The following ARAP3 variants were observed in gnomAD, a reference collection of about 807,000 sequenced individuals.
The protein encoded by ARAP3 is ArfGAP with RhoGAP domain, ankyrin repeat and PH domain 3, also known as arf-GAP with Rho-GAP domain, ANK repeat and PH domain-containing protein 3.
In ARAP3, 82 loss-of-function variants were observed where a neutral mutation model predicts 169.2. The ratio of observed to expected loss-of-function variants is 0.48; its 90% confidence interval spans 0.41 to 0.58. ARAP3 has a LOEUF of 0.58. ARAP3 is among the 20% of genes least tolerant of loss of function. The pLI is 0.00. For synonymous variants in ARAP3, 791 were observed against 800.3 expected, an observed-to-expected ratio of 0.99 and a Z score of 0.20; for missense variants, 1,764 against 2,018.0, an observed-to-expected ratio of 0.87 and a Z score of 2.41.
intron 20 of ARAP3, 89 bp from the exon 21 acceptor site, chr5:141,661,878 A>G: frequency 6.7e-7 from 1 of 1,481,846 alleles, no homozygotes; most frequent in East Asian, 2.3e-5. Context: ...GCACAAATGC[A>G]GGATGGATGT....
intron 4 of ARAP3, among the ~76,000 whole-genome samples, chr5:141,677,820 G>T (rs1355315110): frequency 2.6e-5 from 4 of 151,732 alleles, no homozygotes; most frequent in African/African-American, 9.7e-5. Context: ...GGTCTCACTC[G>T]GTTGTCCAGG....
At chr5:141,677,313 C>A (rs2099912312) in intron 4 of ARAP3, among the ~76,000 whole-genome samples, 1 of 151,982 alleles carries the variant, frequency 6.6e-6, no homozygotes, top group South Asian at 2.1e-4. Context: ...TGCTTTTTCT[C>A]ATATTAAGTC....
chr5:141,662,373 G>A lies in ARAP3; in HGVS notation c.2801-118C>T, dbSNP rs2099910068. 4.2e-6 allele frequency: 4 copies of A among 945,104 alleles called. No homozygotes were observed. The East Asian group carries it at 7.7e-5, about 18-fold the overall frequency. 58.5% of individuals were successfully genotyped at this position (945,104 alleles called of 1,614,324 possible). A position where few individuals can be genotyped will look rare whatever the true frequency, so the allele number is the denominator to read the frequency against. On this transcript the variant is annotated intron_variant, in intron 19 of 32. Transcript: ENST00000239440. The stretch of plus-strand genomic sequence containing the variant: ...TGATGGGGGCATGGGATTCAGAGAG[G>A]AGGAGATCTATGCCTCCATGTTCTT...
intron 23 of ARAP3, among the ~76,000 whole-genome samples, chr5:141,659,002 C>T (rs950471826): frequency 6.6e-6 from 1 of 152,188 alleles, no homozygotes; most frequent in East Asian, 1.9e-4. Context: ...ATCATACTAA[C>T]ATGAGATTAG....
At chr5:141,661,435 A>G (rs2099909957) in intron 21 of ARAP3, among the ~76,000 whole-genome samples, 2 of 152,214 alleles carry the variant, frequency 1.3e-5, no homozygotes, top group South Asian at 4.1e-4. Flanking sequence ...CCTTTTAGAA[A>G]TGAAGAAATT....
In ARAP3 at chr5:141,672,502, G is replaced by T. The variant is rs781033667; in HGVS notation, c.1385+50C>A. 4.4e-6 allele frequency: 7 copies of T among 1,598,308 alleles called. No homozygotes were observed. Among genetic ancestry groups the T allele is most frequent in the Non-Finnish European group, 6.0e-6 (7 of 1,170,362 alleles). ...GGCCTCTAGTCCTCTGCACCCTTGT[G>T]CCTCCCGCAAAAGTCCCCCAGCCTT... is the stretch of plus-strand genomic sequence containing the variant. On this transcript the variant is annotated intron_variant, in intron 9 of 32. Coordinates refer to ENST00000239440, the MANE Select transcript of ARAP3 (RefSeq NM_022481.6). This position sits in a 1 kb window ranked among gnomAD's most constrained non-coding sequence, Gnocchi z 4.9.
At position 141,673,822 on chromosome 5, in the gene ARAP3, A is replaced by G; in HGVS notation, c.699-14T>C. 1 of 1,613,388 alleles carries G rather than the reference A, an allele frequency of 6.2e-7. No homozygotes were observed. The highest frequency in any genetic ancestry group is 8.5e-7 in the Non-Finnish European group (1 of 1,179,824). On this transcript the variant is annotated splice_polypyrimidine_tract_variant and intron_variant, in intron 4 of 32. Coordinates refer to ENST00000239440, the MANE Select transcript of ARAP3 (RefSeq NM_022481.6). ...TGTCTGCTGAGCCTTGTGGGGGCCAAGACAGGGAGGGACACACATTAGACA... is the reference window on the plus strand; with the variant it reads ...TGTCTGCTGAGCCTTGTGGGGGCCAGGACAGGGAGGGACACACATTAGACA...
Position 141,672,730 on chromosome 5 carries a change from G to T in ARAP3, c.1278+11C>A. ...GTTCAGGCCCCTCAGCCCTGGCCCGGCTCTCCTCACCTGCTCACTCTTGTA... is the reference window on the plus strand; with the variant it reads ...GTTCAGGCCCCTCAGCCCTGGCCCGTCTCTCCTCACCTGCTCACTCTTGTA... On this transcript the variant is annotated intron_variant, in intron 8 of 32. Transcript: ENST00000239440. The surrounding 1 kb of genome is among the most constrained non-coding windows in gnomAD (Gnocchi z 4.9). 1.2e-6 allele frequency: 2 copies of T among 1,614,116 alleles called. No individual in the cohort carries two copies. Among genetic ancestry groups the T allele is most frequent in the Non-Finnish European group, 1.7e-6 (2 of 1,180,004 alleles).
At chr5:141,670,731 C>T in intron 13 of ARAP3, 103 bp from the exon 14 acceptor site, 1 of 937,592 alleles carries the variant, frequency 1.1e-6, no homozygotes, top group East Asian at 2.6e-5. Flanking sequence ...GGACCTGACT[C>T]CACTGCCAGC....
intron 1 of ARAP3, among the ~76,000 whole-genome samples, chr5:141,681,854 C>CCTCA (rs2099913036): frequency 6.6e-6 from 1 of 152,104 alleles, no homozygotes; most frequent in Non-Finnish European, 1.5e-5. Context: ...GGCCCGCGTG[C>CCTCA]TGAGCCTCGG....
chr5:141,666,136 A>G (rs541725810), intron 17 of ARAP3, among the ~76,000 whole-genome samples: 1 of 152,040 alleles, frequency 6.6e-6, no homozygotes, highest in African/African-American at 2.4e-5. Flanking sequence ...TTTTAGATGC[A>G]TTACCCTATT....
Position 141,672,891 on chromosome 5 carries a change from G to A in ARAP3, c.1128C>T (p.Ser376=), listed in dbSNP as rs756155725. Residue 376 remains serine, a synonymous_variant, in exon 8 of 33, where the codon TCC becomes TCT. Coordinates refer to ENST00000239440, the MANE Select transcript of ARAP3 (RefSeq NM_022481.6). This position sits in a 1 kb window ranked among gnomAD's most constrained non-coding sequence, Gnocchi z 4.9. ...QRDMWCSTLQ[S]CLKEQRLLGH... is the part of the protein sequence containing the mutation. ...CCAGGAGGCGCTGCTCCTTCAGACAGGACTGCAGCGTGGAGCACCACATGT... is the reference window on the plus strand; with the variant it reads ...CCAGGAGGCGCTGCTCCTTCAGACAAGACTGCAGCGTGGAGCACCACATGT... The A allele has an allele frequency of 6.2e-7, 1 of 1,608,546 alleles. No homozygotes were observed. The highest frequency in any genetic ancestry group is 1.1e-5 in the South Asian group (1 of 90,482).
At chr5:141,670,684 C>T (rs1234704967) in intron 13 of ARAP3, 56 bp from the exon 14 acceptor site, 6 of 1,470,232 alleles carry the variant, frequency 4.1e-6, no homozygotes, top group African/African-American at 1.4e-5. Context: ...ATAACCTGAC[C>T]CCCTCTGGGG....
At chr5:141,661,996 G>A (rs772174890) in intron 20 of ARAP3, 47 bp downstream of exon 20, 8 of 1,605,578 alleles carry the variant, frequency 5.0e-6, no homozygotes, top group Non-Finnish European at 6.0e-6. Context: ...GGTGGGGGAA[G>A]GCAGAGATCC....
rs1242988232 is a variant in ARAP3 at position 141,679,589 on chromosome 5, G to A, written c.654C>T (p.Asp218=). 1.2e-6 allele frequency: 2 copies of A among 1,614,166 alleles called. No individual in the cohort carries two copies. Residue 218 remains aspartate (D), a synonymous_variant, in exon 4 of 33, where the codon GAC becomes GAT. Coordinates refer to ENST00000239440, the MANE Select transcript of ARAP3 (RefSeq NM_022481.6). ...VQPVGTPGAP[D]RRESRGVCQG... is the part of the protein sequence containing the mutation. ...GACAAACACCTCTGCTCTCTCTTCT[G>A]TCGGGGGCTCCTGGAGTCCCCACAG...
chr5:141,654,104 A>G lies in ARAP3; in HGVS notation c.4481T>C (p.Leu1494Pro). Residue 1494 changes from leucine to proline, a missense_variant, in exon 33 of 33, where the codon CTG becomes CCG. Coordinates refer to ENST00000239440, the MANE Select transcript of ARAP3 (RefSeq NM_022481.6). ...GCCTGCAGTGGTCTCTCCTTTCCTC[A>G]GGATGAGGCTGCTGAGCTCCTGGAG... Reference protein sequence around the residue: ...QLLQELSSLILRKGETTAGLG... With the variant: ...QLLQELSSLIPRKGETTAGLG... 6.2e-7 allele frequency: 1 copy of G among 1,611,692 alleles called. No individual in the cohort carries two copies. Among genetic ancestry groups the G allele is most frequent in the Non-Finnish European group, 8.5e-7 (1 of 1,178,602 alleles).
rs747228416 is a variant in ARAP3 at position 141,671,275 on chromosome 5, G to A, written c.1980C>T (p.Leu660=). ...PPAPDGSCPG[L]LPSDPSPGVY... ...ACTTGGGGGAATGACCTGAGGGCAAGAGGCCAGGGCAGCTGCCATCAGGGG... is the reference window on the plus strand; with the variant it reads ...ACTTGGGGGAATGACCTGAGGGCAAAAGGCCAGGGCAGCTGCCATCAGGGG... Residue 660 remains leucine, a synonymous_variant, in exon 13 of 33, where the codon CTC becomes CTT. Transcript: ENST00000239440. This position sits in a 1 kb window ranked among gnomAD's most constrained non-coding sequence, Gnocchi z 4.9. 4 of 1,606,860 alleles carry A rather than the reference G, an allele frequency of 2.5e-6. No homozygotes were observed. The African/African-American group carries it at 5.4e-5, about 22-fold the overall frequency.
Position 141,655,776 on chromosome 5 carries a change from G to T in ARAP3, c.3973-18C>A, listed in dbSNP as rs2099909193. 4.3e-6 allele frequency: 7 copies of T among 1,614,162 alleles called. No homozygotes were observed. Among genetic ancestry groups the T allele is most frequent in the Non-Finnish European group, 5.9e-6 (7 of 1,180,020 alleles). On this transcript the variant is annotated intron_variant, in intron 30 of 32. Transcript: ENST00000239440. ...TCATCGTGCTGGTGGGAGCGTGAGG[G>T]GTTGGCATCAGTGGGCATGAAAGGC... is the stretch of plus-strand genomic sequence containing the variant.
At chr5:141,664,032 G>A (rs919430981) in intron 19 of ARAP3, among the ~76,000 whole-genome samples, 1 of 152,172 alleles carries the variant, frequency 6.6e-6, no homozygotes, top group African/African-American at 2.4e-5. Context: ...TAAGAGTCCA[G>A]CCTTCTAAAG....
Sources: gnomAD v4.1 joint callset for allele counts (sites outside exome capture counted in the v4.1 genomes callset) on GRCh38, gnomAD v4.1.1 for gene constraint, Gnocchi (gnomAD v3.1) non-coding constraint, MANE v1.5 for transcripts, NCBI Gene and HGNC (gene_info 2026-07-23, HGNC 2026-07-21) for gene names.